TPRG1: variants seen among roughly 807,000 people sequenced by gnomAD.
The protein encoded by TPRG1 is tumor protein p63 regulated 1, also known as tumor protein p63-regulated gene 1 protein.
A neutral mutation model predicts 29.3 loss-of-function variants in TPRG1; 29 were observed. That is an observed-to-expected ratio of 0.99 (90% CI 0.74 to 1.35). The LOEUF (loss-of-function observed/expected upper bound fraction) is 1.35. TPRG1 is among the 40% of genes most tolerant of loss of function. The pLI, the probability that TPRG1 is intolerant of heterozygous loss-of-function variation, is 0.00. For synonymous variants in TPRG1, 130 were observed against 116.8 expected, an observed-to-expected ratio of 1.11 and a Z score of -0.73; for missense variants, 327 against 335.0, an observed-to-expected ratio of 0.98 and a Z score of 0.19.
At chr3:189,078,045 TTCC>T in intron 4 of TPRG1, among the ~76,000 whole-genome samples, 2 of 146,366 alleles carry the variant, frequency 1.4e-5, no homozygotes, top group African/African-American at 5.4e-5. Flanking sequence ...CCTTCCTTCC[TTCC>T]TTCCTTCCTT....
chr3:189,068,855 G>A (rs1348645319), intron 4 of TPRG1, among the ~76,000 whole-genome samples: 3 of 152,244 alleles, frequency 2.0e-5, no homozygotes, highest in African/African-American at 7.2e-5. Context: ...TTGCAACAAC[G>A]TGGAGAGAAC....
chr3:189,211,703 A>G (rs578077034), intron 2 of TPRG1: 40 of 152,266 alleles, frequency 2.6e-4, no homozygotes, highest in African/African-American at 7.7e-4. Flanking sequence ...GATGCACACA[A>G]ATGAGGTATG....
intron 3 of TPRG1, among the ~76,000 whole-genome samples, chr3:189,147,076 T>A (rs1308807092): frequency 6.6e-6 from 1 of 152,178 alleles, no homozygotes; most frequent in Non-Finnish European, 1.5e-5. Context: ...GGTCATAGAT[T>A]CAGGGAGTGA....
At chr3:189,087,633 GT>G (rs1235083924) in intron 4 of TPRG1, among the ~76,000 whole-genome samples, 6 of 152,154 alleles carry the variant, frequency 3.9e-5, no homozygotes. Context: ...GGTTTTTATG[GT>G]TTTAAGTCTA....
rs184831437 is a variant in TPRG1, at chr3:189,203,448, C to A, written c.-9-3928C>A. Among the ~76,000 whole-genome samples, 564 of 152,124 alleles carry A rather than the reference C, an allele frequency of 3.7e-3. 1 individual carries two copies. Among genetic ancestry groups the A allele is most frequent in the Middle Eastern group, 0.01 (3 of 294 alleles). The stretch of plus-strand genomic sequence containing the variant: ...TAAATATAACTATTTTCTTTCTAGT[C>A]TTTACCAATGTGAAATTATTCAGTG... On this transcript the variant is annotated intron_variant, in intron 1 of 5. Coordinates refer to ENST00000345063, the MANE Select transcript of TPRG1 (RefSeq NM_198485.4).
intron 3 of TPRG1, among the ~76,000 whole-genome samples, chr3:189,221,823 G>A (rs1415493578): frequency 6.6e-6 from 1 of 152,196 alleles, no homozygotes; most frequent in African/African-American, 2.4e-5. Context: ...GGGACTATTG[G>A]CTTTATTTTA....
At chr3:189,276,593 A>G (rs141398980) in intron 4 of TPRG1, among the ~76,000 whole-genome samples, 2 of 152,310 alleles carry the variant, frequency 1.3e-5, no homozygotes, top group African/African-American at 4.8e-5. Context: ...TATTGCCTCA[A>G]GCATGCTTTA....
intron 4 of TPRG1, among the ~76,000 whole-genome samples, chr3:189,034,367 A>G (rs1015988423): frequency 1.3e-5 from 2 of 152,212 alleles, no homozygotes; most frequent in Non-Finnish European, 2.9e-5. Flanking sequence ...ATTAAAAATA[A>G]AGACATAAAA....
Position 189,019,599 on chromosome 3 carries a change from A to AT in TPRG1, c.-659-4150dup, listed in dbSNP as rs1713172193. Reference sequence around the variant, plus strand: ...GATGAAGCCCACTTGATCATGATGGATAAGCTTTTTGATGTGCTGCTGGAT... The same window carrying AT: ...GATGAAGCCCACTTGATCATGATGGATTAAGCTTTTTGATGTGCTGCTGGAT... On this transcript the variant is annotated intron_variant, in intron 3 of 10. Coordinates refer to the TPRG1 transcript ENST00000433971. 6.6e-5 allele frequency among the ~76,000 whole-genome samples: 10 copies of AT among 152,320 alleles called. No individual in the cohort carries two copies. In the South Asian group the frequency reaches 2.1e-3, roughly 32 times the overall value.
intron 3 of TPRG1, among the ~76,000 whole-genome samples, chr3:189,224,925 CT>C (rs1737481624): frequency 6.9e-6 from 1 of 144,192 alleles, no homozygotes; most frequent in Non-Finnish European, 1.5e-5. Flanking sequence ...GTGTCTCTTC[CT>C]TTTTCTTTTT....
At chr3:189,132,830 A>T (rs1723250219) in intron 3 of TPRG1, 1 of 152,198 alleles carries the variant, frequency 6.6e-6, no homozygotes, top group Non-Finnish European at 1.5e-5. Context: ...CTTCAGTTCC[A>T]GTGTAGTATG....
chr3:189,069,329 T>C (rs1421592963), intron 4 of TPRG1, among the ~76,000 whole-genome samples: 3 of 152,252 alleles, frequency 2.0e-5, no homozygotes, highest in Non-Finnish European at 4.4e-5. Context: ...AACAGGTTAA[T>C]GGTTACCAGG....
At chr3:189,027,930 A>AT (rs374031455) in intron 4 of TPRG1, among the ~76,000 whole-genome samples, 5 of 151,494 alleles carry the variant, frequency 3.3e-5, no homozygotes, top group Admixed American at 2.0e-4. Context: ...CGTAGTGGCC[A>AT]TTTTTTTTCG....
At chr3:189,187,434 G>A (rs928515613) in intron 1 of TPRG1, among the ~76,000 whole-genome samples, 1 of 151,892 alleles carries the variant, frequency 6.6e-6, no homozygotes, top group South Asian at 2.1e-4. Context: ...AGCATCCTGA[G>A]TACCTGGGAT....
intron 4 of TPRG1, among the ~76,000 whole-genome samples, chr3:189,052,152 A>G (rs894992731): frequency 3.3e-5 from 5 of 152,248 alleles, no homozygotes; most frequent in African/African-American, 1.2e-4. Context: ...AGCAGAGTAA[A>G]CAGACAACCC....
intron 4 of TPRG1, among the ~76,000 whole-genome samples, chr3:189,291,924 T>A (rs1371551604): frequency 1.3e-5 from 2 of 152,178 alleles, no homozygotes; most frequent in East Asian, 3.9e-4. Context: ...TGCAGAGACA[T>A]CCCAGAGCTC....
intron 4 of TPRG1, among the ~76,000 whole-genome samples, chr3:189,084,093 G>C (rs1174604337): frequency 6.6e-6 from 1 of 151,998 alleles, no homozygotes; most frequent in East Asian, 1.9e-4. Context: ...GGAGGTTGCA[G>C]TGAGCCAGGA....
At chr3:189,191,140 T>G (rs1042521564) in intron 1 of TPRG1, among the ~76,000 whole-genome samples, 1 of 152,210 alleles carries the variant, frequency 6.6e-6, no homozygotes, top group Admixed American at 6.5e-5. Flanking sequence ...ATATATAATT[T>G]TATTTTCATA....
At chr3:189,178,849 C>T (rs1401272953) in intron 1 of TPRG1, among the ~76,000 whole-genome samples, 1 of 152,214 alleles carries the variant, frequency 6.6e-6, no homozygotes. Flanking sequence ...TCTCAGGAAA[C>T]TCACACTTCT....
Sources: allele counts gnomAD v4.1 joint callset (sites outside exome capture counted in the v4.1 genomes callset), GRCh38; gene constraint gnomAD v4.1.1; transcripts MANE v1.5; gene names NCBI Gene and HGNC (gene_info 2026-07-23, HGNC 2026-07-21).